The following UBAP2 variants were observed in gnomAD, a reference collection of about 807,000 sequenced individuals.
UBAP2 encodes the protein ubiquitin-associated protein 2.
Under a neutral mutation model 139.6 loss-of-function variants are expected in UBAP2, and 75 were observed. The ratio of observed to expected loss-of-function variants is 0.54; its 90% CI spans 0.45 to 0.65. The LOEUF (loss-of-function observed/expected upper bound fraction) is 0.65, where lower values mean the gene tolerates loss of function less well. UBAP2 is among the 30% of genes least tolerant of loss of function. The pLI, the probability that UBAP2 is intolerant of heterozygous loss-of-function variation, is 0.00. For missense variants in UBAP2, 1,368 were observed against 1,369.6 expected, an observed-to-expected ratio of 1.00 and a Z score of 0.02; for synonymous variants, 526 against 526.2, an observed-to-expected ratio of 1.00 and a Z score of 0.01.
chr9:34,024,518 CTTAATA>C (rs887029434), intron 1 of UBAP2, among the ~76,000 whole-genome samples: 10 of 152,084 alleles, frequency 6.6e-5, no homozygotes, highest in African/African-American at 1.9e-4. Context: ...CATAAAAAGT[CTTAATA>C]TTAAAGATGT....
intron 8 of UBAP2, among the ~76,000 whole-genome samples, chr9:33,966,138 T>C (rs1827434780): frequency 6.6e-6 from 1 of 151,852 alleles, no homozygotes; most frequent in Non-Finnish European, 1.5e-5. Flanking sequence ...TTTAATATTA[T>C]ATAAAAATTT....
intron 2 of UBAP2, among the ~76,000 whole-genome samples, chr9:33,999,877 TG>T (rs2131196422): frequency 1.4e-5 from 1 of 73,132 alleles, no homozygotes; most frequent in East Asian, 6.6e-4. Flanking sequence ...TATGTATGTA[TG>T]TATGTATGTA....
At chr9:34,003,972 G>A (rs927446343) in intron 2 of UBAP2, among the ~76,000 whole-genome samples, 1 of 151,842 alleles carries the variant, frequency 6.6e-6, no homozygotes, top group African/African-American at 2.4e-5. Context: ...CGCCCACCTC[G>A]GCCTCCCAAA....
intron 24 of UBAP2, 133 bp from the exon 25 acceptor site, chr9:33,923,611 C>T: frequency 9.4e-7 from 1 of 1,064,342 alleles, no homozygotes; most frequent in Non-Finnish European, 1.4e-6. Context: ...ATTAGTGCAA[C>T]ACATGCTGGA....
intron 4 of UBAP2, among the ~76,000 whole-genome samples, chr9:33,993,189 A>G (rs1022485921): frequency 6.6e-6 from 1 of 152,226 alleles, no homozygotes; most frequent in Non-Finnish European, 1.5e-5. Flanking sequence ...GATTCCACTT[A>G]ACACCTTTTC....
Position 34,045,054 on chromosome 9 carries a change from C to T in UBAP2, c.-42+3771G>A, listed in dbSNP as rs1028076324. Among the ~76,000 whole-genome samples the T allele has an allele frequency of 1.3e-4, 19 of 151,674 alleles. No individual in the cohort carries two copies. The East Asian group carries it at 1.4e-3, about 11-fold the overall frequency. Reference sequence around the variant, plus strand: ...AAACTTATCAAACATTGTTTACAAACGGGTAAAAAAAGGCTGGGCGCCGTG... The same window carrying T: ...AAACTTATCAAACATTGTTTACAAATGGGTAAAAAAAGGCTGGGCGCCGTG... On this transcript the variant is annotated intron_variant, in intron 1 of 28. Coordinates refer to ENST00000379238, the MANE Select transcript of UBAP2 (RefSeq NM_001370062.2).
At chr9:33,951,556 A>G (rs550393599) in intron 12 of UBAP2, among the ~76,000 whole-genome samples, 2 of 151,844 alleles carry the variant, frequency 1.3e-5, no homozygotes, top group Non-Finnish European at 2.9e-5. Flanking sequence ...CACATTGGCC[A>G]GGCTGGTCTC....
At chr9:34,038,045 T>G (rs2131356772) in intron 1 of UBAP2, among the ~76,000 whole-genome samples, 1 of 146,108 alleles carries the variant, frequency 6.8e-6, no homozygotes, top group Middle Eastern at 3.6e-3. Context: ...GGCACAAATC[T>G]GTAGTCCCAG....
At chr9:33,987,161 AGCACTTTGGGAG>A (rs1206025958) in intron 5 of UBAP2, among the ~76,000 whole-genome samples, 1 of 152,092 alleles carries the variant, frequency 6.6e-6, no homozygotes, top group African/African-American at 2.4e-5. Context: ...CTATAATTCC[AGCACTTTGGGAG>A]GCTGAGGCGG....
At chr9:33,945,522 T>C (rs754931865) in intron 13 of UBAP2, among the ~76,000 whole-genome samples, 10 of 151,890 alleles carry the variant, frequency 6.6e-5, no homozygotes, top group East Asian at 5.8e-4. Context: ...CAAAATCCAA[T>C]AGATACAAGA....
intron 6 of UBAP2, among the ~76,000 whole-genome samples, chr9:33,984,215 G>A (rs962922703): frequency 3.3e-5 from 5 of 151,994 alleles, no homozygotes; most frequent in Non-Finnish European, 7.4e-5. Context: ...GAATCCCTGG[G>A]ATTTAAAAAT....
At chr9:34,042,003 C>A (rs1367511753) in intron 1 of UBAP2, among the ~76,000 whole-genome samples, 1 of 151,892 alleles carries the variant, frequency 6.6e-6, no homozygotes, top group African/African-American at 2.4e-5. Flanking sequence ...CCAGCCTGAG[C>A]AACAGACTGA....
chr9:33,927,325 C>G (rs1004256389), intron 20 of UBAP2, among the ~76,000 whole-genome samples: 1 of 152,270 alleles, frequency 6.6e-6, no homozygotes, highest in Admixed American at 6.5e-5. Context: ...CCCTTTCCCC[C>G]AGTCCCTAAG....
At chr9:34,026,881 G>A (rs1265225047) in intron 1 of UBAP2, among the ~76,000 whole-genome samples, 1 of 152,146 alleles carries the variant, frequency 6.6e-6, no homozygotes, top group Admixed American at 6.6e-5. Context: ...TTCAGTCACA[G>A]ATAAATAATA....
chr9:33,973,944 C>A (rs1828095882), intron 6 of UBAP2, among the ~76,000 whole-genome samples: 1 of 152,094 alleles, frequency 6.6e-6, no homozygotes, highest in Non-Finnish European at 1.5e-5. Context: ...TGGTGGCTCA[C>A]ACCTATAATC....
chr9:33,954,310 AATTTT>A (rs1373846139), intron 11 of UBAP2, among the ~76,000 whole-genome samples: 1 of 149,494 alleles, frequency 6.7e-6, no homozygotes, highest in African/African-American at 2.5e-5. Flanking sequence ...ACGCCCATAT[AATTTT>A]ATCTTTAAAA....
chr9:33,993,998 A>G (rs7019441), intron 4 of UBAP2, among the ~76,000 whole-genome samples: 134,953 of 151,450 alleles, frequency 0.89, 60,247 homozygotes, highest in Middle Eastern at 0.95. Flanking sequence ...GGGTTCAAGC[A>G]ATTCTCCTGC....
At chr9:34,028,671 C>G (rs1430192672) in intron 1 of UBAP2, among the ~76,000 whole-genome samples, 1 of 151,942 alleles carries the variant, frequency 6.6e-6, no homozygotes, top group Admixed American at 6.6e-5. Context: ...CGAGCCACTG[C>G]GACCAGCCTT....
intron 2 of UBAP2, among the ~76,000 whole-genome samples, chr9:34,004,264 T>G (rs563388753): frequency 5.8e-4 from 89 of 152,280 alleles, no homozygotes; most frequent in Non-Finnish European, 1.1e-3. Flanking sequence ...ATGGTCTATA[T>G]TTGGTGTAAT....
Sources: gnomAD v4.1 joint callset for allele counts (sites outside exome capture counted in the v4.1 genomes callset) on GRCh38, gnomAD v4.1.1 for gene constraint, MANE v1.5 for transcripts, NCBI Gene and HGNC (gene_info 2026-07-23, HGNC 2026-07-21) for gene names.